ANAPC7: variants seen among roughly 807,000 people sequenced by gnomAD.
ANAPC7 encodes the protein anaphase-promoting complex subunit 7.
A neutral mutation model predicts 63.3 loss-of-function variants in ANAPC7; 25 were observed. That is an observed-to-expected ratio of 0.39 (90% CI 0.29 to 0.55). The LOEUF is 0.55. Among genes scored for constraint, ANAPC7 ranks in the 20% least tolerant of loss-of-function variants. The pLI, the probability that ANAPC7 is intolerant of heterozygous loss-of-function variation, is 0.57. For missense variants in ANAPC7, 516 were observed against 691.7 expected (o/e 0.75, Z 2.85); for synonymous variants, 241 against 251.7 (o/e 0.96, Z 0.40).
chr12:110,382,200 G>C (rs1174706551), intron 7 of ANAPC7, among the ~76,000 whole-genome samples: 1 of 151,118 alleles, frequency 6.6e-6, no homozygotes, highest in African/African-American at 2.4e-5. Flanking sequence ...CTGGATATTA[G>C]TTATTAGCAG....
chr12:110,401,147 C>T (rs753588844), intron 1 of ANAPC7, among the ~76,000 whole-genome samples: 1 of 152,204 alleles, frequency 6.6e-6, no homozygotes, highest in Non-Finnish European at 1.5e-5. Flanking sequence ...TCCCTTCTGA[C>T]CTAGACCAGC....
chr12:110,374,994 G>A (rs1881130552), intron 10 of ANAPC7, among the ~76,000 whole-genome samples: 1 of 151,254 alleles, frequency 6.6e-6, no homozygotes, highest in Non-Finnish European at 1.5e-5. Flanking sequence ...TTGCCTTAGT[G>A]ACCATCACCC....
At chr12:110,381,969 A>AAAAACAC (rs755299232) in intron 7 of ANAPC7, 21 bp from the exon 8 acceptor site, 8 of 1,511,662 alleles carry the variant, frequency 5.3e-6, no homozygotes, top group Non-Finnish European at 7.0e-6. Flanking sequence ...AAAAAAAAAA[A>AAAAACAC]AAAACACAAA....
At chr12:110,380,833 G>A (rs1173121905) in intron 8 of ANAPC7, among the ~76,000 whole-genome samples, 1 of 151,190 alleles carries the variant, frequency 6.6e-6, no homozygotes, top group Non-Finnish European at 1.5e-5. Flanking sequence ...AGCTACTGGG[G>A]AGGCTGAGGC....
At chr12:110,389,060 C>T (rs1306873106) in intron 3 of ANAPC7, among the ~76,000 whole-genome samples, 1 of 141,022 alleles carries the variant, frequency 7.1e-6, no homozygotes, top group East Asian at 2.0e-4. Flanking sequence ...CCAGCCTGGG[C>T]TACAGAGTGA....
Position 110,382,829 on chromosome 12 carries a change from A to C in ANAPC7, c.935+14T>G. The C allele has an allele frequency of 6.3e-7, 1 of 1,588,214 alleles. No homozygotes were observed. Among genetic ancestry groups the C allele is most frequent in the Non-Finnish European group, 8.6e-7 (1 of 1,158,868 alleles). On this transcript the variant is annotated intron_variant, in intron 7 of 10. Coordinates refer to ENST00000455511, the MANE Select transcript of ANAPC7 (RefSeq NM_016238.3). ...TACTGACAACTGGGGAGAAAAGAGA[A>C]TGCATAATCATACCCAGAAACCACC...
At chr12:110,395,292 T>C (rs1016035072) in intron 2 of ANAPC7, 72 bp from the exon 3 acceptor site, 4 of 1,469,102 alleles carry the variant, frequency 2.7e-6, no homozygotes, top group Non-Finnish European at 3.7e-6. Context: ...ACGTTAAACA[T>C]AGAGTTATCA....
chr12:110,381,744 T>C lies in ANAPC7; in HGVS notation c.1132+8A>G, dbSNP rs764136297. 3 of 1,612,244 alleles carry C rather than the reference T, an allele frequency of 1.9e-6. No homozygotes were observed. Among genetic ancestry groups the C allele is most frequent in the Non-Finnish European group, 2.5e-6 (3 of 1,179,938 alleles). ...ATTCACACCATTCACCTATGTTTTC[T>C]TTCTTACCTTCATAACAATCTAAGC... On this transcript the variant is annotated splice_region_variant and intron_variant, in intron 8 of 10. Coordinates refer to ENST00000455511, the MANE Select transcript of ANAPC7 (RefSeq NM_016238.3).
At chr12:110,380,317 C>G (rs930539171) in intron 8 of ANAPC7, among the ~76,000 whole-genome samples, 1 of 151,966 alleles carries the variant, frequency 6.6e-6, no homozygotes, top group African/African-American at 2.4e-5. Context: ...CACCACTGCA[C>G]TCCAGCCTGG....
intron 1 of ANAPC7, 47 bp downstream of exon 1, chr12:110,403,480 G>A: frequency 1.3e-6 from 2 of 1,539,414 alleles, no homozygotes; most frequent in Non-Finnish European, 1.8e-6. Context: ...CTCCCAGACC[G>A]CCGCCGCTTT....
At chr12:110,381,525 C>T (rs866792068) in intron 8 of ANAPC7, among the ~76,000 whole-genome samples, 38 of 151,978 alleles carry the variant, frequency 2.5e-4, no homozygotes, top group African/African-American at 9.2e-4. Context: ...TTAGTAGAGA[C>T]GGGGTTTCAC....
At chr12:110,397,752 G>A (rs1288145473) in intron 1 of ANAPC7, among the ~76,000 whole-genome samples, 4 of 151,780 alleles carry the variant, frequency 2.6e-5, no homozygotes, top group Non-Finnish European at 5.9e-5. Flanking sequence ...AAAATTAGAC[G>A]GGTGTGGTGG....
At chr12:110,384,075 G>A (rs1325995784) in intron 6 of ANAPC7, among the ~76,000 whole-genome samples, 1 of 151,444 alleles carries the variant, frequency 6.6e-6, no homozygotes, top group East Asian at 2.0e-4. Flanking sequence ...AGTGGCAGGC[G>A]CCTGTAATAC....
At chr12:110,378,654 C>A (rs962169668) in intron 8 of ANAPC7, 15 of 152,112 alleles carry the variant, frequency 9.9e-5, no homozygotes, top group African/African-American at 3.6e-4. Context: ...CTCAACTCTT[C>A]ATGCCAGTAA....
chr12:110,389,500 A>C (rs763213316), intron 3 of ANAPC7, among the ~76,000 whole-genome samples: 13 of 152,246 alleles, frequency 8.5e-5, no homozygotes, highest in Non-Finnish European at 1.5e-4. Context: ...AACTCACTAA[A>C]GTAATGCTAC....
At chr12:110,383,072 G>T in intron 6 of ANAPC7, 112 bp from the exon 7 acceptor site, 1 of 712,640 alleles carries the variant, frequency 1.4e-6, no homozygotes, top group South Asian at 1.9e-5. Flanking sequence ...AGCTCCTGCA[G>T]GGGCTAAGCC....
chr12:110,383,889 A>G (rs1400402110), intron 6 of ANAPC7, among the ~76,000 whole-genome samples: 11 of 131,734 alleles, frequency 8.4e-5, no homozygotes, highest in East Asian at 2.3e-4. Flanking sequence ...AAAAAAAAAA[A>G]AAAAAAAAAG....
At chr12:110,375,669 A>G (rs918605125) in intron 10 of ANAPC7, 2 of 927,292 alleles carry the variant, frequency 2.2e-6, no homozygotes, top group Non-Finnish European at 2.6e-6. Context: ...AAAACTTCAG[A>G]CCTCAAGTTC....
At chr12:110,379,284 T>C (rs752471810) in intron 8 of ANAPC7, 2 of 152,218 alleles carry the variant, frequency 1.3e-5, no homozygotes, top group Non-Finnish European at 2.9e-5. Context: ...CAGAATGCAC[T>C]TGCCTAACCT....
Sources: gnomAD v4.1 joint callset for allele counts (sites outside exome capture counted in the v4.1 genomes callset) on GRCh38, gnomAD v4.1.1 for gene constraint, MANE v1.5 for transcripts, NCBI Gene and HGNC (gene_info 2026-07-23, HGNC 2026-07-21) for gene names.